Variants in TANGO2 observed in about 807,000 individuals in gnomAD.
The protein encoded by TANGO2 is transport and golgi organization 2 homolog.
Under a neutral mutation model 39.1 loss-of-function variants are expected in TANGO2, and 26 were observed. The observed-to-expected ratio is 0.67, with a 90% CI of 0.49 to 0.92. TANGO2 has a LOEUF of 0.92. Among genes scored for constraint, TANGO2 ranks in the 40% least tolerant of loss-of-function variants. The pLI, the probability that TANGO2 is intolerant of heterozygous loss-of-function variation, is 0.00. For synonymous variants in TANGO2, 131 were observed against 144.5 expected (o/e 0.91, Z 0.67); for missense variants, 326 against 360.1 (o/e 0.91, Z 0.77).
chr22:20,061,703 TG>T lies in TANGO2; in HGVS notation c.605+24del. On this transcript the variant is annotated intron_variant, in intron 7 of 8. Transcript: ENST00000327374. ...AGAGGCGTGAGTGGGCGGGTCCTGC[TG>T]GGGTGAGCCCCAGTGTCCCGCCACC... 1 of 1,533,764 alleles carries T rather than the reference TG, an allele frequency of 6.5e-7. No individual in the cohort carries two copies. The highest frequency in any genetic ancestry group is 8.8e-7 in the Non-Finnish European group (1 of 1,136,056).
chr22:20,043,424 C>A lies in TANGO2; in HGVS notation c.126C>A (p.Asn42Lys). 6.2e-7 allele frequency: 1 copy of A among 1,613,206 alleles called. No individual in the cohort carries two copies. The highest frequency in any genetic ancestry group is 8.5e-7 in the Non-Finnish European group (1 of 1,179,298). Residue 42 changes from asparagine to lysine, a missense_variant, in exon 3 of 9, where the codon AAC becomes AAA. Physicochemically the swap from Asn to Lys is moderately conservative, Grantham distance 94. Transcript: ENST00000327374. ...CCAAGTTAGCTGACTTCTGGGGGAA[C>A]AACAACGAGATCCTCAGTGGTGAGT... ...RPSKLADFWG[N>K]NNEILSGLDM...
At chr22:20,031,641 T>A (rs930145458) in intron 1 of TANGO2, among the ~76,000 whole-genome samples, 1 of 152,188 alleles carries the variant, frequency 6.6e-6, no homozygotes, top group Admixed American at 6.5e-5. Context: ...AAGATGATGT[T>A]TCTAGTAGGA....
intron 1 of TANGO2, among the ~76,000 whole-genome samples, chr22:20,030,150 CTTTT>C (rs66601369): frequency 1.6e-5 from 2 of 123,878 alleles, no homozygotes; most frequent in African/African-American, 6.2e-5. Context: ...TAAGCAGTTG[CTTTT>C]TTTTTTTTTT....
intron 8 of TANGO2, 125 bp downstream of exon 8, chr22:20,063,567 G>C: frequency 1.1e-6 from 1 of 893,554 alleles, no homozygotes. Flanking sequence ...GTGGATTCCA[G>C]AGCTTCTGCC....
chr22:20,020,194 A>C (rs2039466164), upstream of TANGO2, among the ~76,000 whole-genome samples: 1 of 152,234 alleles, frequency 6.6e-6, no homozygotes, highest in Non-Finnish European at 1.5e-5. Flanking sequence ...GGGATGAAAG[A>C]ACTGCTGACC....
chr22:20,061,424 T>C, intron 6 of TANGO2, 106 bp from the exon 7 acceptor site: 5 of 1,362,342 alleles, frequency 3.7e-6, no homozygotes, highest in Non-Finnish European at 4.9e-6. Flanking sequence ...TCTGGCCTGA[T>C]TTCATGGTCC....
Position 20,052,487 on chromosome 22 carries a change from G to A in TANGO2, c.168G>A (p.Lys56=), listed in dbSNP as rs1166511567. The change falls in exon 4 of 9, where the codon AAG becomes AAA. Residue 56 remains lysine, a synonymous_variant. Transcript: ENST00000327374. ...CAGGGCTGGACATGGAGGAAGGCAA[G>A]GAAGGAGGCACATGGCTGGGCATCA... The part of the protein sequence containing the change: ...ILSGLDMEEG[K]EGGTWLGIST... The A allele has an allele frequency of 3.1e-6, 5 of 1,606,134 alleles. No homozygotes were observed. Among genetic ancestry groups the A allele is most frequent in the Non-Finnish European group, 4.2e-6 (5 of 1,176,578 alleles).
intron 3 of TANGO2, among the ~76,000 whole-genome samples, chr22:20,049,185 G>T (rs1161640218): frequency 2.6e-5 from 4 of 152,136 alleles, no homozygotes; most frequent in Non-Finnish European, 5.9e-5. Context: ...CTCTCTAGTT[G>T]TTCCAGCATC....
At chr22:20,052,064 C>T (rs1356860841) in intron 3 of TANGO2, among the ~76,000 whole-genome samples, 1 of 152,168 alleles carries the variant, frequency 6.6e-6, no homozygotes, top group Admixed American at 6.5e-5. Context: ...AGTGAAGGGC[C>T]TGCCCTTTGG....
At chr22:20,056,327 G>C (rs1016133311) in intron 6 of TANGO2, 3 of 589,190 alleles carry the variant, frequency 5.1e-6, no homozygotes, top group Non-Finnish European at 9.6e-6. Flanking sequence ...AGTGTGCCCT[G>C]TGCCTGTTCC....
At chr22:20,035,399 C>T (rs951692464) in intron 1 of TANGO2, among the ~76,000 whole-genome samples, 3 of 152,228 alleles carry the variant, frequency 2.0e-5, no homozygotes, top group Non-Finnish European at 2.9e-5. Context: ...GTCCCATGTC[C>T]CAGCTGTGAG....
chr22:20,057,114 G>A lies in TANGO2; in HGVS notation c.451+1101G>A, dbSNP rs184932224. The A allele has an allele frequency of 9.3e-4, 347 of 374,908 alleles. 1 individual carries two copies. Among genetic ancestry groups the A allele is most frequent in the African/African-American group, 5.7e-3 (273 of 47,664 alleles). The allele number at this position is 374,908 out of a possible 1,614,324, so 23.2% of individuals were successfully genotyped here. On this transcript the variant is annotated intron_variant, in intron 6 of 8. Coordinates refer to ENST00000327374, the MANE Select transcript of TANGO2 (RefSeq NM_152906.7). The surrounding 1 kb of genome is among the most constrained non-coding windows in gnomAD (Gnocchi z 4.1). ...GCACACCTTCCCACTGGGTGTACAC[G>A]GTGGAACTGAAGCCCCAGGCGTCCC...
intron 3 of TANGO2, among the ~76,000 whole-genome samples, chr22:20,045,585 CCT>C (rs1165498949): frequency 6.7e-6 from 1 of 148,182 alleles, no homozygotes; most frequent in Non-Finnish European, 1.5e-5. Flanking sequence ...CTCACCGCAA[CCT>C]CCATCTCCCG....
intron 3 of TANGO2, 58 bp from the exon 4 acceptor site, chr22:20,052,407 C>A: frequency 6.4e-7 from 1 of 1,553,802 alleles, no homozygotes; most frequent in Non-Finnish European, 8.7e-7. Context: ...GGGCTGGGAA[C>A]CAGGTGGGGG....
rs191088941 is a variant in TANGO2, at chr22:20,023,691, A to G, written c.-40+2445A>G. Among the ~76,000 whole-genome samples, 546 of 151,254 alleles carry G rather than the reference A, an allele frequency of 3.6e-3. 4 individuals are homozygous for G. Among genetic ancestry groups the G allele is most frequent in the African/African-American group, 0.013 (524 of 41,116 alleles). ...AACACGGTGAAACCCCGTCTCTACT[A>G]AAAATACAAAAAAATTAGCCGGACG... is the stretch of plus-strand genomic sequence containing the variant. On this transcript the variant is annotated intron_variant, in intron 1 of 8. Coordinates refer to ENST00000327374, the MANE Select transcript of TANGO2 (RefSeq NM_152906.7).
rs939527969 is a variant in TANGO2, at chr22:20,053,345, C to T, written c.266-92C>T. 12 of 812,922 alleles carry T rather than the reference C, an allele frequency of 1.5e-5. No individual in the cohort carries two copies. In the East Asian group the frequency reaches 2.8e-4, roughly 19 times the overall value. The allele number at this position is 812,922 out of a possible 1,614,324, so 50.4% of individuals were successfully genotyped here. A position where few individuals can be genotyped will look rare whatever the true frequency, so the allele number is the denominator to read the frequency against. On this transcript the variant is annotated intron_variant, in intron 4 of 8. Coordinates refer to ENST00000327374, the MANE Select transcript of TANGO2 (RefSeq NM_152906.7). ...GGCTCCAGTGGGACCCCTCATCTTC[C>T]TGCATCCTCCCCAGGGGGCCCCATA...
chr22:20,052,545 T>G lies in TANGO2; in HGVS notation c.226T>G (p.Tyr76Asp). 1 of 1,599,408 alleles carries G rather than the reference T, an allele frequency of 6.3e-7. No homozygotes were observed. ...TRGKLAALTN[Y>D]LQPQLDWQAR... ...TGGCAAGCTGGCAGCACTCACCAAC[T>G]ACCTGCAGCCGCAGCTGGACTGGCA... The change falls in exon 4 of 9, where the codon TAC becomes GAC. Residue 76 changes from tyrosine (Y) to aspartate (D), a missense_variant. By Grantham distance (160) the Tyr-to-Asp change is radical (BLOSUM62 -3). Transcript: ENST00000327374.
chr22:20,021,086 G>C (rs2039559855), upstream of TANGO2: 1 of 152,888 alleles, frequency 6.5e-6, no homozygotes, highest in South Asian at 2.0e-4. Context: ...GGCTGGCTGC[G>C]GTGGCGCGCG....
At chr22:20,031,157 C>T (rs1040124722) in intron 1 of TANGO2, among the ~76,000 whole-genome samples, 2 of 151,378 alleles carry the variant, frequency 1.3e-5, no homozygotes, top group Non-Finnish European at 1.5e-5. Context: ...GAGATCGCGC[C>T]GCTGCACTCC....
Sources: allele counts gnomAD v4.1 joint callset (sites outside exome capture counted in the v4.1 genomes callset), GRCh38; gene constraint gnomAD v4.1.1; non-coding constraint Gnocchi (gnomAD v3.1); transcripts MANE v1.5; gene names NCBI Gene and HGNC (gene_info 2026-07-23, HGNC 2026-07-21).